MED16: variants seen among roughly 807,000 people sequenced by gnomAD.
The protein encoded by MED16 is mediator of RNA polymerase II transcription subunit 16.
MED16 carries 81 observed loss-of-function variants against 84.4 expected under a neutral mutation model. The observed-to-expected ratio is 0.96, with a 90% CI of 0.80 to 1.15. MED16 has a LOEUF of 1.15. Ranked by LOEUF, MED16 falls within the 50% of genes most tolerant of loss-of-function variation. The probability of loss-of-function intolerance (pLI) is 0.00; values close to 1 mark genes in which losing one functional copy is unlikely to be tolerated. For synonymous variants in MED16, 897 were observed against 552.2 expected (o/e 1.62, Z -8.76); for missense variants, 1,585 against 1,245.9 (o/e 1.27, Z -4.10).
intron 7 of MED16, among the ~76,000 whole-genome samples, chr19:881,193 C>T (rs1303453442): frequency 2.0e-5 from 3 of 152,174 alleles, no homozygotes; most frequent in Admixed American, 6.5e-5. Flanking sequence ...CACTCATGGG[C>T]ACGGATGCCA....
intron 4 of MED16, among the ~76,000 whole-genome samples, chr19:888,744 G>A (rs80114377): frequency 0.019 from 2,828 of 152,256 alleles, 74 homozygotes; most frequent in African/African-American, 0.062. Flanking sequence ...GAGGGCCCCC[G>A]TGGCACGAAG....
rs770164373 is a variant in MED16, at chr19:877,200, A to G, written c.1354-20T>C. On this transcript the variant is annotated intron_variant, in intron 8 of 15. Coordinates refer to ENST00000325464, the MANE Select transcript of MED16 (RefSeq NM_005481.3). ...GCTCAGCTGCCAGAGACAGAGCCCA[A>G]GGAGAGCCCGGTGAGATGGGGCTGC... 77 of 1,595,640 alleles carry G rather than the reference A, an allele frequency of 4.8e-5. No homozygotes were observed. Among genetic ancestry groups the G allele is most frequent in the Non-Finnish European group, 6.2e-5 (73 of 1,173,742 alleles).
chr19:876,983 G>A lies in MED16; in HGVS notation c.1551C>T (p.Ala517=). The A allele has an allele frequency of 2.5e-6, 4 of 1,611,222 alleles. No individual in the cohort carries two copies. Among genetic ancestry groups the A allele is most frequent in the South Asian group, 2.2e-5 (2 of 91,006 alleles). Residue 517 remains alanine (A), a synonymous_variant, in exon 9 of 16, where the codon GCC becomes GCT. Coordinates refer to ENST00000325464, the MANE Select transcript of MED16 (RefSeq NM_005481.3). ...TGCCACGGGCCCCCACCTGCTGCAG[G>A]GCAGCGGTCTGGCGCGTGTACTCCT... The part of the protein sequence containing the change: ...LHEEYTRQTA[A]LQQVLSTRIL...
chr19:873,585 A>G lies in MED16; in HGVS notation c.1772-3T>C, dbSNP rs1470740295. 7.4e-6 allele frequency: 12 copies of G among 1,612,198 alleles called. No homozygotes were observed. Among genetic ancestry groups the G allele is most frequent in the Non-Finnish European group, 9.3e-6 (11 of 1,179,632 alleles). Reference sequence around the variant, plus strand: ...GTTGATCATGACCTTGTCAATGTCTACAAGGAGACGTGGGTCGGGTCAGCT... The same window carrying G: ...GTTGATCATGACCTTGTCAATGTCTGCAAGGAGACGTGGGTCGGGTCAGCT... On this transcript the variant is annotated splice_polypyrimidine_tract_variant and splice_region_variant and intron_variant, in intron 10 of 15. Transcript: ENST00000325464.
chr19:888,795 G>A (rs2036574463), intron 4 of MED16, among the ~76,000 whole-genome samples: 1 of 152,224 alleles, frequency 6.6e-6, no homozygotes, highest in Non-Finnish European at 1.5e-5. Context: ...GACAATGGCA[G>A]TCCCTGGGGA....
At chr19:879,146 C>A (rs2036347688) in intron 8 of MED16, among the ~76,000 whole-genome samples, 1 of 146,666 alleles carries the variant, frequency 6.8e-6, no homozygotes, top group African/African-American at 2.5e-5. Context: ...CCAGCCCCAG[C>A]CCCACGTGCC....
chr19:873,390 G>C, intron 11 of MED16, 59 bp downstream of exon 11: 2 of 1,547,526 alleles, frequency 1.3e-6, no homozygotes, highest in Non-Finnish European at 8.7e-7. Context: ...GGGAAGCGGG[G>C]TCCTGATGAG....
In MED16 at chr19:885,794, G is replaced by T; in HGVS notation, c.855C>A (p.Phe285Leu). Residue 285 changes from phenylalanine (F) to leucine (L), a missense_variant, in exon 5 of 16, where the codon TTC becomes TTA. Physicochemically the swap from Phe to Leu is conservative, Grantham distance 22. Transcript: ENST00000325464. Reference protein sequence around the residue: ...DKFPAITHLKFLARDMSEQVL... With the variant: ...DKFPAITHLKLLARDMSEQVL... ...CCTGCTCCGACATGTCCCGGGCCAG[G>T]AACTTGAGGTGGGTGATGGCGGGAA... 1 of 1,611,454 alleles carries T rather than the reference G, an allele frequency of 6.2e-7. No homozygotes were observed.
intron 13 of MED16, 122 bp from the exon 14 acceptor site, chr19:869,068 GC>G: frequency 2.4e-6 from 2 of 849,614 alleles, no homozygotes; most frequent in Non-Finnish European, 3.5e-6. Context: ...TGCCAGGTGG[GC>G]CCAGATGTCT....
At position 891,024 on chromosome 19, in the gene MED16, G is replaced by A. The variant is rs749483673; in HGVS notation, c.108C>T (p.Ala36=). Residue 36 remains alanine, a synonymous_variant, in exon 2 of 16, where the codon GCC becomes GCT. Transcript: ENST00000325464. Reference sequence around the variant, plus strand: ...TGAGATTTCGGCAGGACCAGGCGCAGGCCAGGGGCACCGATGGGCAGTGGG... The same window carrying A: ...TGAGATTTCGGCAGGACCAGGCGCAAGCCAGGGGCACCGATGGGCAGTGGG... The part of the protein sequence containing the change: ...KSTHCPSVPL[A]CAWSCRNLIA... 6 of 1,613,998 alleles carry A rather than the reference G, an allele frequency of 3.7e-6. No individual in the cohort carries two copies. The highest frequency in any genetic ancestry group is 3.3e-5 in the Admixed American group (2 of 59,996).
At chr19:871,467 C>T (rs1158858804) in intron 12 of MED16, 12 of 1,437,290 alleles carry the variant, frequency 8.3e-6, no homozygotes, top group Non-Finnish European at 1.0e-5. Context: ...CCGTCTCTGG[C>T]CTGTCATGAG....
chr19:888,206 AAAACAAAC>A (rs369283862), intron 4 of MED16, among the ~76,000 whole-genome samples: 10 of 151,168 alleles, frequency 6.6e-5, no homozygotes, highest in South Asian at 4.2e-4. Flanking sequence ...CCTGTCTCAA[AAAACAAAC>A]AAACAAACAA....
intron 4 of MED16, among the ~76,000 whole-genome samples, chr19:888,698 G>C (rs1302828987): frequency 1.3e-5 from 2 of 152,112 alleles, no homozygotes; most frequent in Admixed American, 1.3e-4. Flanking sequence ...AGGAAATACA[G>C]ACAAACGGGG....
chr19:888,503 G>T (rs1248555194), intron 4 of MED16, among the ~76,000 whole-genome samples: 2 of 147,446 alleles, frequency 1.4e-5, no homozygotes, highest in African/African-American at 2.5e-5. Flanking sequence ...CAGCCTGGGG[G>T]ATAGAGCGAG....
At chr19:889,574 G>T in intron 4 of MED16, 64 bp downstream of exon 4, 1 of 1,540,048 alleles carries the variant, frequency 6.5e-7, no homozygotes, top group Admixed American at 1.9e-5. Flanking sequence ...GAGAGGGGCT[G>T]GCGGGTGGCT....
chr19:873,587 A>C lies in MED16; in HGVS notation c.1772-5T>G. 6.2e-7 allele frequency: 1 copy of C among 1,612,156 alleles called. No homozygotes were observed. ...TGATCATGACCTTGTCAATGTCTACAAGGAGACGTGGGTCGGGTCAGCTCG... is the reference window on the plus strand; with the variant it reads ...TGATCATGACCTTGTCAATGTCTACCAGGAGACGTGGGTCGGGTCAGCTCG... On this transcript the variant is annotated splice_polypyrimidine_tract_variant and splice_region_variant and intron_variant, in intron 10 of 15. Transcript: ENST00000325464.
Position 889,686 on chromosome 19 carries a change from G to C in MED16, c.399C>G (p.Ala133=), listed in dbSNP as rs142622834. The C allele has an allele frequency of 2.3e-4, 366 of 1,613,770 alleles. No individual in the cohort carries two copies. The highest frequency in any genetic ancestry group is 2.9e-4 in the Non-Finnish European group (339 of 1,179,992). ...GSLVEGDPIV[A]LSWLHNGVKL... is the part of the protein sequence containing the mutation. The stretch of plus-strand genomic sequence containing the variant: ...TCACACCATTGTGCAGCCAGGACAG[G>C]GCCACAATGGGGTCCCCCTCCACTA... The change falls in exon 4 of 16, where the codon GCC becomes GCG. Residue 133 remains alanine (A), a synonymous_variant. Coordinates refer to ENST00000325464, the MANE Select transcript of MED16 (RefSeq NM_005481.3).
At chr19:885,038 C>T in intron 5 of MED16, 30 bp from the exon 6 acceptor site, 1 of 1,539,186 alleles carries the variant, frequency 6.5e-7, no homozygotes, top group Non-Finnish European at 8.8e-7. Context: ...GAGGGCTGAC[C>T]CGGCACTGCT....
intron 4 of MED16, among the ~76,000 whole-genome samples, chr19:886,591 CCACACT>C (rs762856187): frequency 3.9e-4 from 59 of 152,362 alleles, no homozygotes; most frequent in Non-Finnish European, 6.9e-4. Flanking sequence ...TGCCAATGAG[CCACACT>C]CACAAACCCA....
Sources: allele counts gnomAD v4.1 joint callset (sites outside exome capture counted in the v4.1 genomes callset), GRCh38; gene constraint gnomAD v4.1.1; transcripts MANE v1.5; gene names NCBI Gene and HGNC (gene_info 2026-07-23, HGNC 2026-07-21).